NAA25: variants seen among roughly 807,000 people sequenced by gnomAD.
The protein encoded by NAA25 is N-alpha-acetyltransferase 25, NatB auxiliary subunit, also known as N-terminal acetyltransferase B complex subunit NAA25.
Under a neutral mutation model 132.5 loss-of-function variants are expected in NAA25, and 30 were observed. The observed-to-expected ratio is 0.23, with a 90% confidence interval of 0.17 to 0.31. NAA25 has a LOEUF of 0.31. NAA25 is among the 10% of genes least tolerant of loss of function. The pLI, the probability that NAA25 is intolerant of heterozygous loss-of-function variation, is 1.00. For synonymous variants in NAA25, 359 were observed against 401.9 expected, an observed-to-expected ratio of 0.89 and a Z score of 1.28; for missense variants, 771 against 1,150.4, an observed-to-expected ratio of 0.67 and a Z score of 4.77.
rs570117036 is a variant in NAA25 at position 112,051,345 on chromosome 12, G to A, written c.1728+2213C>T. 2.7e-4 allele frequency among the ~76,000 whole-genome samples: 41 copies of A among 152,198 alleles called. 1 individual carries two copies. Among genetic ancestry groups the A allele is most frequent in the African/African-American group, 9.6e-4 (40 of 41,516 alleles). On this transcript the variant is annotated intron_variant, in intron 15 of 23. Transcript: ENST00000261745. ...CCTGCCTCAGCCTGCCGAGTAGCTG[G>A]GATTACAGGCACCTACCACCATGCC...
chr12:112,076,172 C>T (rs1278082509), intron 7 of NAA25, among the ~76,000 whole-genome samples: 1 of 152,118 alleles, frequency 6.6e-6, no homozygotes, highest in Non-Finnish European at 1.5e-5. Context: ...TGTGAGCTAC[C>T]GGGCCCGGCC....
intron 16 of NAA25, among the ~76,000 whole-genome samples, 181 bp from the exon 17 acceptor site, chr12:112,047,971 GAAGCCCACACAAAAC>G (rs1193969641): frequency 1.3e-5 from 2 of 152,148 alleles, no homozygotes; most frequent in Admixed American, 6.5e-5. Flanking sequence ...AAGGCTTCTG[GAAGCCCACACAAAAC>G]AAAGGGGATC....
At position 112,074,703 on chromosome 12, in the gene NAA25, C is replaced by A. The variant is rs1321724903; in HGVS notation, c.838G>T (p.Ala280Ser). 3 of 1,611,074 alleles carry A rather than the reference C, an allele frequency of 1.9e-6. No individual in the cohort carries two copies. The highest frequency in any genetic ancestry group is 2.5e-6 in the Non-Finnish European group (3 of 1,178,696). ...FDSVFRLIEE[A>S]WSPPAEGEHS... ...TCACCTTCAGCAGGAGGACTCCAGG[C>A]CTCTTCAATCAGTCGAAAGACAGAA... is the stretch of plus-strand genomic sequence containing the variant. The change falls in exon 9 of 24, where the codon GCC becomes TCC. Residue 280 changes from alanine (A) to serine (S), a missense_variant. Physicochemically the swap from Ala to Ser is moderately conservative, Grantham distance 99 (BLOSUM62 1). This residue lies in a region of NAA25 where 417 missense variants were observed against 733.8 expected (regional missense o/e 0.57). Transcript: ENST00000261745.
intron 2 of NAA25, 127 bp from the exon 3 acceptor site, chr12:112,090,991 G>T: frequency 1.2e-6 from 1 of 868,962 alleles, no homozygotes; most frequent in Non-Finnish European, 1.7e-6. Context: ...TTTCAGGCTG[G>T]GTGCGGCGGC....
rs573130001 is a variant in NAA25, at chr12:112,102,450, G to A, written c.58+6266C>T. Among the ~76,000 whole-genome samples, 74 of 151,990 alleles carry A rather than the reference G, an allele frequency of 4.9e-4. 1 individual carries two copies. The highest frequency in any genetic ancestry group is 3.2e-4 in the Non-Finnish European group (22 of 67,974). The stretch of plus-strand genomic sequence containing the variant: ...TTTCAACAACTACCCTCTAATCTAT[G>A]TATTCATCTAAGAATATTTTTGTGC... On this transcript the variant is annotated intron_variant, in intron 1 of 23. Transcript: ENST00000261745.
chr12:112,092,487 T>C (rs745308538), intron 2 of NAA25, among the ~76,000 whole-genome samples: 3 of 151,592 alleles, frequency 2.0e-5, no homozygotes, highest in Non-Finnish European at 2.9e-5. Context: ...ATTAGCTGGG[T>C]GTGGTGGCGC....
chr12:112,086,102 A>ACACACACACACACCCC lies in NAA25; in HGVS notation c.402+1580_402+1581insGGGGTGTGTGTGTGTG, dbSNP rs796241170. Among the ~76,000 whole-genome samples the ACACACACACACACCCC allele has an allele frequency of 2.7e-4, 33 of 120,800 alleles. 2 individuals carry two copies. In the East Asian group the frequency reaches 7.5e-3, roughly 28 times the overall value. 79.2% of individuals were successfully genotyped at this position (120,800 alleles called of 152,430 possible). A position where few individuals can be genotyped will look rare whatever the true frequency, so the allele number is the denominator to read the frequency against. On this transcript the variant is annotated intron_variant, in intron 4 of 23. Transcript: ENST00000261745. Reference sequence around the variant, plus strand: ...CACACACACACACACACACACACACACCCATAACCATTTTACATTTTTAAA... The same window carrying ACACACACACACACCCC: ...CACACACACACACACACACACACACACACACACACACACCCCCCCATAACCATTTTACATTTTTAAA...
At chr12:112,095,120 A>G (rs1445979010) in intron 1 of NAA25, among the ~76,000 whole-genome samples, 2 of 152,118 alleles carry the variant, frequency 1.3e-5, no homozygotes. Context: ...CAGGCAACAC[A>G]GCAAGACACC....
At chr12:112,045,232 C>T (rs1003280361) in intron 17 of NAA25, among the ~76,000 whole-genome samples, 2 of 152,152 alleles carry the variant, frequency 1.3e-5, no homozygotes, top group Non-Finnish European at 2.9e-5. Flanking sequence ...TGGCTAACGC[C>T]TGTAATCCCA....
chr12:112,080,497 C>A (rs1166799691), intron 5 of NAA25, among the ~76,000 whole-genome samples: 1 of 151,814 alleles, frequency 6.6e-6, no homozygotes, highest in Non-Finnish European at 1.5e-5. Flanking sequence ...AAGAGTGAGA[C>A]CCTGTCTCTA....
chr12:112,078,367 T>C, intron 6 of NAA25, 101 bp from the exon 7 acceptor site: 1 of 858,226 alleles, frequency 1.2e-6, no homozygotes, highest in South Asian at 1.6e-5. Flanking sequence ...GAGCATGTCT[T>C]CAAATGAGAT....
intron 22 of NAA25, among the ~76,000 whole-genome samples, chr12:112,037,275 C>CATACAT (rs1177172229): frequency 1.7e-4 from 11 of 65,186 alleles, no homozygotes; most frequent in East Asian, 5.1e-4. Context: ...TTAAAAAATA[C>CATACAT]ATATATATAT....
At chr12:112,033,145 TA>T in intron 23 of NAA25, 87 bp downstream of exon 23, 1 of 1,392,916 alleles carries the variant, frequency 7.2e-7, no homozygotes, top group Non-Finnish European at 9.5e-7. Context: ...AATTGAACTT[TA>T]ACTTGTCCTT....
At chr12:112,072,666 T>C (rs1439725380) in intron 9 of NAA25, among the ~76,000 whole-genome samples, 1 of 150,190 alleles carries the variant, frequency 6.7e-6, no homozygotes, top group Non-Finnish European at 1.5e-5. Context: ...AGGCTGGGTG[T>C]GGTGGCTCAC....
intron 17 of NAA25, among the ~76,000 whole-genome samples, chr12:112,044,077 G>A (rs530125330): frequency 6.6e-6 from 1 of 151,778 alleles, no homozygotes; most frequent in South Asian, 2.1e-4. Context: ...ACAGGCGCCT[G>A]CCACCACGCC....
chr12:112,087,911 T>C (rs1206416618), intron 3 of NAA25, 110 bp from the exon 4 acceptor site: 1 of 701,488 alleles, frequency 1.4e-6, no homozygotes, highest in East Asian at 2.6e-5. Flanking sequence ...ATAGAAGAAG[T>C]ATCTGCTTTG....
At chr12:112,067,889 C>A (rs1011158178) in intron 11 of NAA25, among the ~76,000 whole-genome samples, 5 of 151,916 alleles carry the variant, frequency 3.3e-5, no homozygotes, top group African/African-American at 9.7e-5. Flanking sequence ...GTGCTCACCA[C>A]CACACCCAGC....
In NAA25 at chr12:112,075,784, A is replaced by G. The variant is rs755805419; in HGVS notation, c.670T>C (p.Leu224=). 45 of 1,613,598 alleles carry G rather than the reference A, an allele frequency of 2.8e-5. 1 individual carries two copies. In the South Asian group the frequency reaches 4.9e-4, roughly 18 times the overall value. Residue 224 remains leucine (L), a synonymous_variant, in exon 8 of 24, where the codon TTG becomes CTG. Transcript: ENST00000261745. ...DVIRGKLGEK[L]TSEIQSRENK... is the part of the protein sequence containing the mutation. ...TCCCGACTCTGAATCTCACTTGTCA[A>G]CTTCTCTAAAATCAAAAGTTATAAA...
chr12:112,039,554 A>G (rs2078273200), intron 21 of NAA25: 1 of 340,340 alleles, frequency 2.9e-6, no homozygotes, highest in Non-Finnish European at 5.3e-6. Flanking sequence ...CTAACTCTTC[A>G]GCATTTCTTC....
Sources: gnomAD v4.1 joint callset for allele counts (sites outside exome capture counted in the v4.1 genomes callset) on GRCh38, gnomAD v4.1.1 for gene constraint, gnomAD v4.1.1 regional missense constraint, MANE v1.5 for transcripts, NCBI Gene and HGNC (gene_info 2026-07-23, HGNC 2026-07-21) for gene names.